The following ADAT3 variants were observed in gnomAD, a reference collection of about 807,000 sequenced individuals.
ADAT3 encodes tRNA-specific adenosine-34 deaminase regulatory subunit ADAT3.
Under a neutral mutation model 3.5 loss-of-function variants are expected in ADAT3, and 2 were observed. The observed-to-expected ratio is 0.57, with a 90% CI of 0.23 to 1.79. The LOEUF is 1.79. ADAT3 is among the 40% of genes most tolerant of loss of function. ADAT3 has a pLI of 0.18. For missense variants in ADAT3, 735 were observed against 571.4 expected (o/e 1.29, Z -2.92); for synonymous variants, 358 against 270.3 (o/e 1.32, Z -3.18).
chr19:1,912,934 C>T lies in ADAT3; in HGVS notation c.887C>T (p.Thr296Ile), dbSNP rs1423723580. ...ADEDGLPYLC[T>I]GYDLYVTREP... ...GAGGACGGCCTCCCCTACCTGTGCA[C>T]TGGCTACGACCTGTACGTGACCCGC... is the stretch of plus-strand genomic sequence containing the variant. Residue 296 changes from threonine (T) to isoleucine (I), a missense_variant, in exon 2 of 2, where the codon ACT becomes ATT. Physicochemically the swap from Thr to Ile is moderately conservative, Grantham distance 89 (BLOSUM62 -1). Transcript: ENST00000329478. 2.5e-6 allele frequency: 4 copies of T among 1,610,416 alleles called. No homozygotes were observed. Among genetic ancestry groups the T allele is most frequent in the Admixed American group, 1.7e-5 (1 of 59,984 alleles).
chr19:1,912,833 C>G lies in ADAT3; in HGVS notation c.786C>G (p.Phe262Leu), dbSNP rs1440151872. The change falls in exon 2 of 2, where the codon TTC becomes TTG. Residue 262 changes from phenylalanine to leucine, a missense_variant. Transcript: ENST00000329478. Reference protein sequence around the residue: ...QGRGTYDFRPFPACSFAPAAA... With the variant: ...QGRGTYDFRPLPACSFAPAAA... ...GCGGCACCTACGACTTCAGACCCTT[C>G]CCCGCCTGCTCCTTCGCCCCGGCCG... The G allele has an allele frequency of 1.3e-5, 20 of 1,592,734 alleles. No homozygotes were observed. The highest frequency in any genetic ancestry group is 1.7e-5 in the Non-Finnish European group (20 of 1,176,086).
rs1174027079 is a variant in ADAT3 at position 1,912,232 on chromosome 19, A to G, written c.185A>G (p.Tyr62Cys). Residue 62 changes from tyrosine to cysteine, a missense_variant, in exon 2 of 2, where the codon TAC becomes TGC. By Grantham distance (194) the Tyr-to-Cys change is radical (BLOSUM62 -2). Coordinates refer to ENST00000329478, the MANE Select transcript of ADAT3 (RefSeq NM_138422.4). ...GGGGACGTGGAGCTGGTGCTGGCCT[A>G]CGCCGCGCCCGTCCTGGACAAGCGC... ...QSGDVELVLA[Y>C]AAPVLDKRQT... 1 of 1,596,230 alleles carries G rather than the reference A, an allele frequency of 6.3e-7. No homozygotes were observed. The highest frequency in any genetic ancestry group is 8.5e-7 in the Non-Finnish European group (1 of 1,174,260).
rs1408980785 is a variant in ADAT3 at position 1,912,862 on chromosome 19, C to T, written c.815C>T (p.Ala272Val). 7.5e-6 allele frequency: 12 copies of T among 1,598,622 alleles called. No homozygotes were observed. Among genetic ancestry groups the T allele is most frequent in the South Asian group, 4.4e-5 (4 of 90,724 alleles). ...FPACSFAPAA[A>V]PQAVRAGAVR... ...GCCTGCTCCTTCGCCCCGGCCGCTG[C>T]CCCCCAGGCCGTCCGCGCAGGCGCC... The change falls in exon 2 of 2, where the codon GCC becomes GTC. Residue 272 changes from alanine (A) to valine (V), a missense_variant. Ala to Val is a moderately conservative substitution (Grantham distance 64). Coordinates refer to ENST00000329478, the MANE Select transcript of ADAT3 (RefSeq NM_138422.4).
Position 1,911,924 on chromosome 19 carries a change from G to A in ADAT3, c.-124G>A, listed in dbSNP as rs2013471102. 7.9e-7 allele frequency: 1 copy of A among 1,261,580 alleles called. No individual in the cohort carries two copies. The highest frequency in any genetic ancestry group is 1.0e-6 in the Non-Finnish European group (1 of 962,920). 78.1% of individuals were successfully genotyped at this position (1,261,580 alleles called of 1,614,324 possible). A position where few individuals can be genotyped will look rare whatever the true frequency, so the allele number is the denominator to read the frequency against. On this transcript the variant is annotated 5_prime_UTR_variant, in exon 2 of 2. The change abolishes an upstream ATG in the 5' untranslated region. Transcript: ENST00000329478. ...GGACATGAGGGAGTGTAGCTCTGAT[G>A]CGGTGACCTGGGCCGGAGCCCTCGG...
chr19:1,912,611 C>T lies in ADAT3; in HGVS notation c.564C>T (p.Ala188=). The T allele has an allele frequency of 1.4e-6, 2 of 1,477,474 alleles. No individual in the cohort carries two copies. Among genetic ancestry groups the T allele is most frequent in the Non-Finnish European group, 1.8e-6 (2 of 1,120,884 alleles). The allele number at this position is 1,477,474 out of a possible 1,614,324, so 91.5% of individuals were successfully genotyped here. The change falls in exon 2 of 2, where the codon GCC becomes GCT. Residue 188 remains alanine (A), a synonymous_variant. Coordinates refer to ENST00000329478, the MANE Select transcript of ADAT3 (RefSeq NM_138422.4). ...TCTTCTCCACGCAGGAGCGCGCCGCCATGCAGAGCCACATGGAGCGGGCGG... is the reference window on the plus strand; with the variant it reads ...TCTTCTCCACGCAGGAGCGCGCCGCTATGCAGAGCCACATGGAGCGGGCGG... ...GRLFSTQERA[A]MQSHMERAVW...
rs764783105 is a variant in ADAT3 at position 1,913,185 on chromosome 19, C to T, written c.*34C>T. The T allele has an allele frequency of 6.8e-7, 1 of 1,477,482 alleles. No homozygotes were observed. The highest frequency in any genetic ancestry group is 9.0e-7 in the Non-Finnish European group (1 of 1,114,480). The allele number at this position is 1,477,482 out of a possible 1,614,324, so 91.5% of individuals were successfully genotyped here. ...CTCCTGCCTCCGGACCCTTCCCGCT[C>T]CCGGCCGTGGGGCGCCCCTCCTGGA... On this transcript the variant is annotated 3_prime_UTR_variant, in exon 2 of 2. Transcript: ENST00000329478.
At chr19:1,906,866 TTGTGTGTGTG>T (rs66848678) in intron 1 of ADAT3, 3 of 130,084 alleles carry the variant, frequency 2.3e-5, no homozygotes, top group South Asian at 2.4e-4. Context: ...AAAAAAAAAA[TTGTGTGTGTG>T]TGTGTGTGTG....
chr19:1,908,246 T>A lies in ADAT3; in HGVS notation c.-159+2807T>A. The A allele has an allele frequency of 7.0e-6, 2 of 285,472 alleles. No individual in the cohort carries two copies. The highest frequency in any genetic ancestry group is 2.8e-5 in the South Asian group (1 of 35,496). The allele number at this position is 285,472 out of a possible 1,614,324, so 17.7% of individuals were successfully genotyped here. On this transcript the variant is annotated intron_variant, in intron 1 of 1. Coordinates refer to ENST00000329478, the MANE Select transcript of ADAT3 (RefSeq NM_138422.4). The surrounding 1 kb of genome is among the most constrained non-coding windows in gnomAD (Gnocchi z 4.2). The stretch of plus-strand genomic sequence containing the variant: ...GCAGCACCTGGCGCTGCCTCCGCGC[T>A]TCCTGCTCCCGGCTCCCACTGCATC...
At position 1,912,363 on chromosome 19, in the gene ADAT3, C is replaced by G. The variant is rs1055415692; in HGVS notation, c.316C>G (p.Leu106Val). ...CCGCGATGCCGGCAGCCCCCACGCCCTGGAGATGCTGCTTTGCCTGGCTGG... is the reference window on the plus strand; with the variant it reads ...CCGCGATGCCGGCAGCCCCCACGCCGTGGAGATGCTGCTTTGCCTGGCTGG... The part of the protein sequence containing the change: ...PSRDAGSPHA[L>V]EMLLCLAGPA... Residue 106 changes from leucine to valine, a missense_variant, in exon 2 of 2, where the codon CTG (leucine) becomes GTG (valine). Leu to Val is a conservative substitution (Grantham distance 32, BLOSUM62 1). Coordinates refer to ENST00000329478, the MANE Select transcript of ADAT3 (RefSeq NM_138422.4). 6.5e-7 allele frequency: 1 copy of G among 1,527,126 alleles called. No individual in the cohort carries two copies. Among genetic ancestry groups the G allele is most frequent in the Non-Finnish European group, 8.7e-7 (1 of 1,144,708 alleles). The allele number at this position is 1,527,126 out of a possible 1,614,324, so 94.6% of individuals were successfully genotyped here.
chr19:1,906,866 T>TTG (rs66848678), intron 1 of ADAT3: 53,598 of 129,846 alleles, frequency 0.41, 12,849 homozygotes, highest in Middle Eastern at 0.57. Flanking sequence ...AAAAAAAAAA[T>TTG]TGTGTGTGTG....
chr19:1,913,035 G>T lies in ADAT3; in HGVS notation c.988G>T (p.Asp330Tyr), dbSNP rs202206209. 5 of 1,604,210 alleles carry T rather than the reference G, an allele frequency of 3.1e-6. No individual in the cohort carries two copies. Among genetic ancestry groups the T allele is most frequent in the African/African-American group, 2.7e-5 (2 of 75,024 alleles). ...CGTCTTCTACGGTGCGCCCTCGCCC[G>T]ACGGCGCCCTGGGCACCCGCTTCCG... ...LRVFYGAPSP[D>Y]GALGTRFRIH... The change falls in exon 2 of 2, where the codon GAC becomes TAC. Residue 330 changes from aspartate (D) to tyrosine (Y), a missense_variant. Coordinates refer to ENST00000329478, the MANE Select transcript of ADAT3 (RefSeq NM_138422.4).
In ADAT3 at chr19:1,912,714, G is replaced by A. The variant is rs757333098; in HGVS notation, c.667G>A (p.Val223Met). 1.2e-4 allele frequency: 181 copies of A among 1,514,778 alleles called. No individual in the cohort carries two copies. The highest frequency in any genetic ancestry group is 1.5e-4 in the Non-Finnish European group (175 of 1,138,894). The allele number at this position is 1,514,778 out of a possible 1,614,324, so 93.8% of individuals were successfully genotyped here. A position where few individuals can be genotyped will look rare whatever the true frequency, so the allele number is the denominator to read the frequency against. The change falls in exon 2 of 2, where the codon GTG becomes ATG. Residue 223 changes from valine (V) to methionine (M), a missense_variant. By Grantham distance (21) the Val-to-Met change is conservative (BLOSUM62 1). Coordinates refer to ENST00000329478, the MANE Select transcript of ADAT3 (RefSeq NM_138422.4). The stretch of plus-strand genomic sequence containing the variant: ...GGTAGTGGACCCGGCCTCGGACCGC[G>A]TGCTGGCCACCGGCCACGACTGCAG... The part of the protein sequence containing the change: ...AVVVDPASDR[V>M]LATGHDCSCA...
intron 1 of ADAT3, among the ~76,000 whole-genome samples, chr19:1,910,107 A>C (rs7260336): frequency 0.22 from 33,228 of 151,994 alleles, 4,751 homozygotes; most frequent in African/African-American, 0.39. Flanking sequence ...GCTTAATACA[A>C]CACCCGCCAG....
chr19:1,912,281 G>C lies in ADAT3; in HGVS notation c.234G>C (p.Glu78Asp). The C allele has an allele frequency of 6.3e-7, 1 of 1,585,870 alleles. No individual in the cohort carries two copies. Among genetic ancestry groups the C allele is most frequent in the African/African-American group, 1.4e-5 (1 of 73,452 alleles). Reference sequence around the variant, plus strand: ...GCCAGACCTCACGCCTCCTGAAGGAGGTGTCGGCCCTGCACCCGCTCCCCG... The same window carrying C: ...GCCAGACCTCACGCCTCCTGAAGGACGTGTCGGCCCTGCACCCGCTCCCCG... ...DKRQTSRLLKEVSALHPLPAQ... is the reference protein window; with the variant it reads ...DKRQTSRLLKDVSALHPLPAQ... The change falls in exon 2 of 2, where the codon GAG (glutamate) becomes GAC (aspartate). Residue 78 changes from glutamate (E) to aspartate (D), a missense_variant. By Grantham distance (45) the Glu-to-Asp change is conservative. Transcript: ENST00000329478.
Position 1,911,102 on chromosome 19 carries a change from C to T in ADAT3, c.-158-788C>T, listed in dbSNP as rs1158991114. 2.6e-5 allele frequency among the ~76,000 whole-genome samples: 4 copies of T among 152,096 alleles called. No individual in the cohort carries two copies. In the South Asian group the frequency reaches 6.2e-4, roughly 24 times the overall value. On this transcript the variant is annotated intron_variant, in intron 1 of 1. Transcript: ENST00000329478. The stretch of plus-strand genomic sequence containing the variant: ...GTGTTAGCCAGGATGGTCTTGATCT[C>T]CTGACCTTGTGATCCGCCTGCCTCG...
chr19:1,910,236 G>A (rs576415329), intron 1 of ADAT3, among the ~76,000 whole-genome samples: 4 of 152,220 alleles, frequency 2.6e-5, no homozygotes, highest in African/African-American at 9.6e-5. Context: ...GGCTCAACGG[G>A]GGTGGCATCT....
Position 1,912,796 on chromosome 19 carries a change from G to C in ADAT3, c.749G>C (p.Arg250Pro). The C allele has an allele frequency of 6.4e-7, 1 of 1,574,152 alleles. No individual in the cohort carries two copies. Among genetic ancestry groups the C allele is most frequent in the Non-Finnish European group, 8.6e-7 (1 of 1,168,678 alleles). The part of the protein sequence containing the change: ...AVMVCVDLVA[R>P]GQGRGTYDFR... ...ATGGTGTGCGTGGACCTCGTGGCGC[G>C]CGGCCAGGGCCGCGGCACCTACGAC... Residue 250 changes from arginine (R) to proline (P), a missense_variant, in exon 2 of 2, where the codon CGC becomes CCC. Physicochemically the swap from Arg to Pro is moderately radical, Grantham distance 103. Transcript: ENST00000329478.
Position 1,912,302 on chromosome 19 carries a change from C to G in ADAT3, c.255C>G (p.Leu85=). 6.4e-7 allele frequency: 1 copy of G among 1,561,936 alleles called. No individual in the cohort carries two copies. Among genetic ancestry groups the G allele is most frequent in the Non-Finnish European group, 8.6e-7 (1 of 1,159,978 alleles). Residue 85 remains leucine, a synonymous_variant, in exon 2 of 2, where the codon CTC becomes CTG. Transcript: ENST00000329478. ...LLKEVSALHP[L]PAQPHLKRVR... Reference sequence around the variant, plus strand: ...AGGAGGTGTCGGCCCTGCACCCGCTCCCCGCCCAGCCTCACCTCAAGCGGG... The same window carrying G: ...AGGAGGTGTCGGCCCTGCACCCGCTGCCCGCCCAGCCTCACCTCAAGCGGG...
At chr19:1,907,437 G>A (rs938474574) in intron 1 of ADAT3, among the ~76,000 whole-genome samples, 3 of 152,052 alleles carry the variant, frequency 2.0e-5, no homozygotes, top group Non-Finnish European at 4.4e-5. Flanking sequence ...TCACAGGGGT[G>A]GAAGCCGAGG....
Sources: gnomAD v4.1 joint callset for allele counts (sites outside exome capture counted in the v4.1 genomes callset) on GRCh38, gnomAD v4.1.1 for gene constraint, Gnocchi (gnomAD v3.1) non-coding constraint, MANE v1.5 for transcripts, NCBI Gene and HGNC (gene_info 2026-07-23, HGNC 2026-07-21) for gene names.